Variants in HS6ST3 observed in about 807,000 individuals in gnomAD.
HS6ST3 encodes heparan-sulfate 6-O-sulfotransferase 3.
In HS6ST3, 12 loss-of-function variants were observed where a neutral mutation model predicts 36.7. The ratio of observed to expected loss-of-function variants is 0.33; its 90% CI spans 0.21 to 0.53. The LOEUF is 0.53. Among genes scored for constraint, HS6ST3 ranks in the 20% least tolerant of loss-of-function variants. HS6ST3 has a pLI of 0.95. For synonymous variants in HS6ST3, 240 were observed against 257.5 expected (o/e 0.93, Z 0.65); for missense variants, 584 against 640.9 (o/e 0.91, Z 0.96).
chr13:96,595,364 A>T (rs1227837195), intron 1 of HS6ST3, among the ~76,000 whole-genome samples: 1 of 152,068 alleles, frequency 6.6e-6, no homozygotes, highest in African/African-American at 2.4e-5. Context: ...ATGACCTGTA[A>T]GATTTCTCCT....
At chr13:96,232,873 C>T (rs572073291) in intron 1 of HS6ST3, among the ~76,000 whole-genome samples, 16 of 152,086 alleles carry the variant, frequency 1.1e-4, no homozygotes, top group South Asian at 2.1e-4. Context: ...AATTAGCAAA[C>T]GTGTTCCCAG....
At chr13:96,654,773 T>G (rs1317609182) in intron 1 of HS6ST3, among the ~76,000 whole-genome samples, 1 of 152,130 alleles carries the variant, frequency 6.6e-6, no homozygotes, top group Non-Finnish European at 1.5e-5. Flanking sequence ...AAACTAAATA[T>G]CCTGATTGAA....
At position 96,665,632 on chromosome 13, in the gene HS6ST3, G is replaced by A. The variant is rs1056439278; in HGVS notation, c.708-166858G>A. Reference sequence around the variant, plus strand: ...GGCAAAAATGTACAAATTTCTTGAAGCTAAACCTATGAAAATAGCTTGGGT... The same window carrying A: ...GGCAAAAATGTACAAATTTCTTGAAACTAAACCTATGAAAATAGCTTGGGT... On this transcript the variant is annotated intron_variant, in intron 1 of 1. Coordinates refer to ENST00000376705, the MANE Select transcript of HS6ST3 (RefSeq NM_153456.4). Among the ~76,000 whole-genome samples the A allele has an allele frequency of 2.2e-4, 33 of 152,232 alleles. 1 individual carries two copies. The highest frequency in any genetic ancestry group is 1.8e-3 in the Admixed American group (28 of 15,272).
chr13:96,357,792 G>C (rs2055217377), intron 1 of HS6ST3, among the ~76,000 whole-genome samples: 1 of 152,110 alleles, frequency 6.6e-6, no homozygotes, highest in African/African-American at 2.4e-5. Context: ...AAAGTGTTGG[G>C]ATTACAGACG....
chr13:96,773,409 C>A (rs1877315455), intron 1 of HS6ST3, among the ~76,000 whole-genome samples: 1 of 152,198 alleles, frequency 6.6e-6, no homozygotes, highest in Non-Finnish European at 1.5e-5. Flanking sequence ...TGGAGCCCTG[C>A]AAGCTAAAAT....
At chr13:96,808,868 C>A (rs1456136459) in intron 1 of HS6ST3, among the ~76,000 whole-genome samples, 2 of 152,092 alleles carry the variant, frequency 1.3e-5, no homozygotes, top group African/African-American at 4.8e-5. Context: ...GAGAAGTTAA[C>A]TTGATGCTTA....
chr13:96,257,131 G>A (rs1264981846), intron 1 of HS6ST3, among the ~76,000 whole-genome samples: 5 of 152,040 alleles, frequency 3.3e-5, no homozygotes, highest in Admixed American at 6.6e-5. Context: ...CAGGAGTTTC[G>A]CCCCTTCACT....
intron 1 of HS6ST3, among the ~76,000 whole-genome samples, chr13:96,251,944 A>G (rs2139377776): frequency 6.6e-6 from 1 of 152,188 alleles, no homozygotes; most frequent in African/African-American, 2.4e-5. Flanking sequence ...CATCTTCTTA[A>G]TATTGTTAAG....
intron 1 of HS6ST3, among the ~76,000 whole-genome samples, chr13:96,589,950 G>A (rs2138974752): frequency 6.6e-6 from 1 of 152,144 alleles, no homozygotes; most frequent in South Asian, 2.1e-4. Context: ...GTCTTTCTGT[G>A]CCTAGCTTAT....
chr13:96,634,109 A>G (rs2056540981), intron 1 of HS6ST3, among the ~76,000 whole-genome samples: 1 of 152,194 alleles, frequency 6.6e-6, no homozygotes, highest in African/African-American at 2.4e-5. Flanking sequence ...GAACCTAGCC[A>G]TGCTGGCTCC....
chr13:96,727,364 A>G (rs974884955), intron 1 of HS6ST3, among the ~76,000 whole-genome samples: 9 of 152,048 alleles, frequency 5.9e-5, no homozygotes, highest in African/African-American at 2.2e-4. Context: ...CTGATACTCA[A>G]TATGCATTAG....
At chr13:96,345,741 G>A (rs2055150988) in intron 1 of HS6ST3, among the ~76,000 whole-genome samples, 1 of 152,178 alleles carries the variant, frequency 6.6e-6, no homozygotes. Flanking sequence ...CATTAGATCA[G>A]AGGTGTCCAA....
intron 1 of HS6ST3, among the ~76,000 whole-genome samples, chr13:96,170,271 A>G (rs1222857249): frequency 1.3e-5 from 2 of 152,266 alleles, no homozygotes; most frequent in East Asian, 3.8e-4. Context: ...TATTGTTAGC[A>G]TCTTACAGAT....
chr13:96,536,887 A>G (rs1347057579), intron 1 of HS6ST3, among the ~76,000 whole-genome samples: 1 of 152,154 alleles, frequency 6.6e-6, no homozygotes. Flanking sequence ...GGGATTGGAA[A>G]TCTTCCACCT....
intron 1 of HS6ST3, among the ~76,000 whole-genome samples, chr13:96,808,859 A>G (rs1878256937): frequency 6.6e-6 from 1 of 152,188 alleles, no homozygotes; most frequent in Non-Finnish European, 1.5e-5. Flanking sequence ...GTTAGATGAG[A>G]GAAGTTAACT....
chr13:96,517,409 C>T (rs2056076907), intron 1 of HS6ST3, among the ~76,000 whole-genome samples: 1 of 152,036 alleles, frequency 6.6e-6, no homozygotes, highest in East Asian at 1.9e-4. Context: ...ATCATATGGC[C>T]AGCCTAACAA....
At chr13:96,559,330 G>C (rs1039259111) in intron 1 of HS6ST3, among the ~76,000 whole-genome samples, 1 of 152,092 alleles carries the variant, frequency 6.6e-6, no homozygotes. Flanking sequence ...TGTTGGCCAG[G>C]CTGGTGTTGA....
intron 1 of HS6ST3, among the ~76,000 whole-genome samples, chr13:96,458,040 A>G (rs550870471): frequency 6.6e-6 from 1 of 152,224 alleles, no homozygotes; most frequent in South Asian, 2.1e-4. Context: ...CCGGGGAGGA[A>G]ATAGGATTAA....
At chr13:96,231,196 G>A (rs1270604847) in intron 1 of HS6ST3, among the ~76,000 whole-genome samples, 1 of 152,124 alleles carries the variant, frequency 6.6e-6, no homozygotes, top group Non-Finnish European at 1.5e-5. Flanking sequence ...CATCCTTACT[G>A]TGCCTGTTGA....
Sources: allele counts gnomAD v4.1 joint callset (sites outside exome capture counted in the v4.1 genomes callset), GRCh38; gene constraint gnomAD v4.1.1; transcripts MANE v1.5; gene names NCBI Gene and HGNC (gene_info 2026-07-23, HGNC 2026-07-21).